Variants in KHDRBS2 observed in about 807,000 individuals in gnomAD.
KHDRBS2 encodes KH RNA binding domain containing, signal transduction associated 2, also known as KH domain-containing, RNA-binding, signal transduction-associated protein 2.
A neutral mutation model predicts 44.3 loss-of-function variants in KHDRBS2; 26 were observed. The observed-to-expected ratio is 0.59, with a 90% confidence interval of 0.43 to 0.81. KHDRBS2 has a LOEUF of 0.81. Ranked by LOEUF, KHDRBS2 falls within the 40% of genes least tolerant of loss-of-function variation. KHDRBS2 has a pLI of 0.00. For missense variants in KHDRBS2, 476 were observed against 433.1 expected (o/e 1.10, Z -0.88); for synonymous variants, 194 against 151.1 (o/e 1.28, Z -2.08).
At chr6:62,079,321 C>T (rs1342034094) in intron 2 of KHDRBS2, among the ~76,000 whole-genome samples, 1 of 151,826 alleles carries the variant, frequency 6.6e-6, no homozygotes, top group East Asian at 1.9e-4. Context: ...AGAAAGATGG[C>T]TGTATTTAAC....
chr6:62,148,348 C>T (rs1490535593), intron 2 of KHDRBS2, among the ~76,000 whole-genome samples: 1 of 151,992 alleles, frequency 6.6e-6, no homozygotes, highest in Non-Finnish European at 1.5e-5. Context: ...CTCTATTCAA[C>T]AGTAAGAATA....
At chr6:61,960,597 C>T (rs139677262) in intron 4 of KHDRBS2, among the ~76,000 whole-genome samples, 21 of 152,200 alleles carry the variant, frequency 1.4e-4, no homozygotes, top group African/African-American at 3.6e-4. Flanking sequence ...TTTTATAGCA[C>T]AAGCACAAAA....
intron 1 of KHDRBS2, among the ~76,000 whole-genome samples, chr6:62,221,181 T>C (rs1410177514): frequency 2.0e-5 from 3 of 151,688 alleles, no homozygotes; most frequent in African/African-American, 7.3e-5. Context: ...CTGGAGGACA[T>C]TATGCTATGT....
intron 4 of KHDRBS2, among the ~76,000 whole-genome samples, chr6:61,930,537 A>AAAC (rs1809830408): frequency 2.7e-5 from 1 of 37,302 alleles, no homozygotes; most frequent in Non-Finnish European, 6.4e-5. Context: ...AAAAAAAAAA[A>AAAC]AAAAAAAAGA....
intron 8 of KHDRBS2, among the ~76,000 whole-genome samples, chr6:61,695,908 A>G (rs1767852818): frequency 6.6e-6 from 1 of 152,148 alleles, no homozygotes; most frequent in South Asian, 2.1e-4. Context: ...AAACACAGCA[A>G]TAACCATTGT....
chr6:61,666,194 A>G, the KHDRBS2 span, among the ~76,000 whole-genome samples: 1 of 151,450 alleles, frequency 6.6e-6, no homozygotes. Context: ...ACAATAGAGC[A>G]CTTATGTCTT....
At chr6:61,747,791 G>A (rs1426231963) in intron 6 of KHDRBS2, among the ~76,000 whole-genome samples, 1 of 152,082 alleles carries the variant, frequency 6.6e-6, no homozygotes, top group East Asian at 1.9e-4. Flanking sequence ...AGAGTAAAAA[G>A]CATGAGTTAC....
At chr6:62,275,597 C>T (rs1840805073) in intron 1 of KHDRBS2, among the ~76,000 whole-genome samples, 1 of 152,086 alleles carries the variant, frequency 6.6e-6, no homozygotes, top group South Asian at 2.1e-4. Context: ...AAAACAATTC[C>T]TTAAATTTCC....
At chr6:62,002,329 A>G (rs60719874) in intron 3 of KHDRBS2, among the ~76,000 whole-genome samples, 33,441 of 151,836 alleles carry the variant, frequency 0.22, 3,839 homozygotes, top group Admixed American at 0.29. Context: ...TTGAAATAAT[A>G]AAATAAAAAT....
At chr6:62,000,184 T>C (rs938837878) in intron 3 of KHDRBS2, among the ~76,000 whole-genome samples, 3 of 152,116 alleles carry the variant, frequency 2.0e-5, no homozygotes, top group African/African-American at 7.2e-5. Flanking sequence ...ACATAAAACA[T>C]GCTTCCTATA....
intron 2 of KHDRBS2, among the ~76,000 whole-genome samples, chr6:62,059,208 T>G (rs987757472): frequency 3.6e-5 from 4 of 112,576 alleles, no homozygotes; most frequent in East Asian, 2.4e-4. Context: ...GTTTTTTTTT[T>G]TTTTTTTTTT....
At chr6:61,805,472 T>A (rs1368164539) in intron 6 of KHDRBS2, among the ~76,000 whole-genome samples, 1 of 152,162 alleles carries the variant, frequency 6.6e-6, no homozygotes, top group Non-Finnish European at 1.5e-5. Flanking sequence ...CCAAAGTCAC[T>A]TCCACATTTC....
At chr6:62,255,121 A>C (rs1837151465) in intron 1 of KHDRBS2, among the ~76,000 whole-genome samples, 1 of 152,042 alleles carries the variant, frequency 6.6e-6, no homozygotes, top group African/African-American at 2.4e-5. Flanking sequence ...GAGAAAAATA[A>C]ACAGGCAGCT....
chr6:61,863,502 T>C (rs1583224326), intron 6 of KHDRBS2, among the ~76,000 whole-genome samples: 1 of 152,334 alleles, frequency 6.6e-6, no homozygotes, highest in South Asian at 2.1e-4. Context: ...TTGTTCTCAT[T>C]AGTTTCAAAG....
the KHDRBS2 span, among the ~76,000 whole-genome samples, chr6:61,666,899 A>C: frequency 1.3e-5 from 2 of 151,266 alleles, no homozygotes; most frequent in Non-Finnish European, 3.0e-5. Context: ...TCATGGAAGA[A>C]GCCCAAGTCT....
intron 6 of KHDRBS2, among the ~76,000 whole-genome samples, chr6:61,797,884 G>C (rs1461359827): frequency 1.3e-5 from 2 of 151,700 alleles, no homozygotes; most frequent in Non-Finnish European, 2.9e-5. Context: ...TTTTATTTTA[G>C]GTTCAGGAGG....
At chr6:61,913,460 G>A (rs950800510) in intron 4 of KHDRBS2, among the ~76,000 whole-genome samples, 2 of 151,688 alleles carry the variant, frequency 1.3e-5, no homozygotes, top group Non-Finnish European at 2.9e-5. Context: ...GAGCATTTGG[G>A]ATTCCTTTAT....
At chr6:62,021,590 C>T (rs1263611433) in intron 3 of KHDRBS2, among the ~76,000 whole-genome samples, 1 of 151,636 alleles carries the variant, frequency 6.6e-6, no homozygotes, top group African/African-American at 2.4e-5. Flanking sequence ...ATAGTAGAAT[C>T]TCATTTCTGG....
the KHDRBS2 span, among the ~76,000 whole-genome samples, chr6:61,674,711 A>T: frequency 6.6e-6 from 1 of 151,664 alleles, no homozygotes. Flanking sequence ...ATTTTTTTGC[A>T]GTAAAAGTTA....
Sources: gnomAD v4.1 joint callset for allele counts (sites outside exome capture counted in the v4.1 genomes callset) on GRCh38, gnomAD v4.1.1 for gene constraint, MANE v1.5 for transcripts, NCBI Gene and HGNC (gene_info 2026-07-23, HGNC 2026-07-21) for gene names.